TNRC6C: variants seen among roughly 807,000 people sequenced by gnomAD.
The protein encoded by TNRC6C is trinucleotide repeat-containing gene 6C protein.
A neutral mutation model predicts 153.7 loss-of-function variants in TNRC6C; 20 were observed. That is an observed-to-expected ratio of 0.13 (90% CI 0.09 to 0.19). The LOEUF (loss-of-function observed/expected upper bound fraction) is 0.19, where lower values mean the gene tolerates loss of function less well. Among genes scored for constraint, TNRC6C ranks in the 10% least tolerant of loss-of-function variants. The pLI is 1.00. For missense variants in TNRC6C, 1,987 were observed against 2,172.0 expected (o/e 0.91, Z 1.69); for synonymous variants, 811 against 841.4 (o/e 0.96, Z 0.63).
intron 3 of TNRC6C, among the ~76,000 whole-genome samples, chr17:78,058,548 G>A (rs2072703578): frequency 1.3e-5 from 2 of 152,198 alleles, no homozygotes; most frequent in African/African-American, 4.8e-5. Flanking sequence ...AAATATGAAG[G>A]CCATTATACA....
At chr17:78,010,977 G>A (rs901005360) in intron 1 of TNRC6C, among the ~76,000 whole-genome samples, 3 of 152,188 alleles carry the variant, frequency 2.0e-5, no homozygotes, top group East Asian at 1.9e-4. Context: ...CTCCGGGGGC[G>A]CCTCCCGAGG....
intron 1 of TNRC6C, among the ~76,000 whole-genome samples, chr17:77,970,011 GTCTT>G (rs2070928459): frequency 1.3e-5 from 2 of 152,126 alleles, no homozygotes; most frequent in Admixed American, 6.6e-5. Flanking sequence ...GATGATAACT[GTCTT>G]TCTTCCATTT....
chr17:77,979,823 A>G (rs1298884623), intron 1 of TNRC6C, among the ~76,000 whole-genome samples: 1 of 152,226 alleles, frequency 6.6e-6, no homozygotes, highest in Non-Finnish European at 1.5e-5. Flanking sequence ...CAGCCAAAGG[A>G]GGAAAAAGAT....
intron 1 of TNRC6C, among the ~76,000 whole-genome samples, chr17:78,031,113 A>G (rs961264112): frequency 3.9e-5 from 6 of 152,068 alleles, no homozygotes; most frequent in Non-Finnish European, 8.8e-5. Flanking sequence ...ACTTAAAAAA[A>G]AAAAGAAAGA....
chr17:78,024,568 T>C (rs146904473), intron 1 of TNRC6C, among the ~76,000 whole-genome samples: 190 of 152,166 alleles, frequency 1.2e-3, no homozygotes, highest in African/African-American at 4.3e-3. Context: ...GGTTTCACCA[T>C]GTTAGCCAGG....
chr17:78,016,957 C>T (rs982205948), intron 1 of TNRC6C, among the ~76,000 whole-genome samples: 2 of 152,150 alleles, frequency 1.3e-5, no homozygotes, highest in Admixed American at 1.3e-4. Context: ...CCAGGATCCC[C>T]AGCAAAGAAG....
chr17:78,097,666 T>C, intron 16 of TNRC6C, 79 bp from the exon 19 acceptor site: 2 of 989,410 alleles, frequency 2.0e-6, no homozygotes, highest in Non-Finnish European at 2.9e-6. Context: ...TGATTCCTGA[T>C]GGTTCTCACA....
intron 1 of TNRC6C, among the ~76,000 whole-genome samples, chr17:77,975,626 CT>C (rs1221357211): frequency 6.6e-6 from 1 of 152,056 alleles, no homozygotes; most frequent in Non-Finnish European, 1.5e-5. Flanking sequence ...AAAATCTGGT[CT>C]TTTGAAAATA....
chr17:78,011,602 GT>G (rs1326691048), intron 1 of TNRC6C, among the ~76,000 whole-genome samples: 2 of 152,064 alleles, frequency 1.3e-5, no homozygotes, highest in South Asian at 2.1e-4. Flanking sequence ...GGACATCTGC[GT>G]TTTTCCAGTT....
chr17:78,050,672 G>C (rs1423644944), exon 3 of TNRC6C: 1 of 1,560,096 alleles, frequency 6.4e-7, no homozygotes, highest in Non-Finnish European at 8.7e-7. Flanking sequence ...CCGGGGGTTT[G>C]GGGGGACTCG....
chr17:77,985,631 G>A (rs1488331217), intron 1 of TNRC6C, among the ~76,000 whole-genome samples: 1 of 147,114 alleles, frequency 6.8e-6, no homozygotes, highest in Non-Finnish European at 1.5e-5. Flanking sequence ...CAACTGTGTT[G>A]AATCTGTCTC....
At chr17:78,098,272 T>TC (rs1268566189) in intron 16 of TNRC6C, 71 bp from the exon 20 acceptor site, 1 of 1,421,090 alleles carries the variant, frequency 7.0e-7, no homozygotes, top group Non-Finnish European at 9.5e-7. Flanking sequence ...TCTGTGTGGC[T>TC]CCCCAAACAC....
upstream of TNRC6C, among the ~76,000 whole-genome samples, chr17:77,958,437 C>T (rs924535803): frequency 3.3e-5 from 5 of 151,626 alleles, no homozygotes; most frequent in Non-Finnish European, 7.4e-5. Context: ...GCGCTCCCCG[C>T]GCGGTGCAGG....
chr17:78,098,535 C>T (rs367710467), exon 17 of TNRC6C: 88 of 1,611,496 alleles, frequency 5.5e-5, no homozygotes, highest in South Asian at 8.8e-5. Context: ...TCCTACTCCT[C>T]GGGTAAGCTC....
chr17:78,021,689 C>T (rs2071835503), intron 1 of TNRC6C, among the ~76,000 whole-genome samples: 1 of 152,176 alleles, frequency 6.6e-6, no homozygotes, highest in Non-Finnish European at 1.5e-5. Flanking sequence ...TCTGCCTCAG[C>T]CTCCCAAGTA....
intron 3 of TNRC6C, among the ~76,000 whole-genome samples, chr17:78,062,782 T>G (rs1331200637): frequency 6.6e-6 from 1 of 152,210 alleles, no homozygotes; most frequent in African/African-American, 2.4e-5. Context: ...ATAATGCAGT[T>G]GGCCCTTGAA....
intron 3 of TNRC6C, among the ~76,000 whole-genome samples, chr17:78,059,733 C>T (rs982607938): frequency 1.3e-5 from 2 of 151,340 alleles, no homozygotes; most frequent in Non-Finnish European, 2.9e-5. Context: ...CCTCTAGTCC[C>T]GGCTACTCAA....
At chr17:78,069,117 CAAAAG>C (rs2072940085) in intron 5 of TNRC6C, among the ~76,000 whole-genome samples, 1 of 151,618 alleles carries the variant, frequency 6.6e-6, no homozygotes, top group Non-Finnish European at 1.5e-5. Flanking sequence ...TAATCAAAGT[CAAAAG>C]AAAAATAGCA....
At chr17:78,087,406 C>A (rs1381241061) in intron 13 of TNRC6C, among the ~76,000 whole-genome samples, 1 of 152,092 alleles carries the variant, frequency 6.6e-6, no homozygotes, top group Non-Finnish European at 1.5e-5. Context: ...GTGTGAGCCA[C>A]CATGCCCAGC....
Sources: allele counts gnomAD v4.1 joint callset (sites outside exome capture counted in the v4.1 genomes callset), GRCh38; gene constraint gnomAD v4.1.1; transcripts MANE v1.5; gene names NCBI Gene and HGNC (gene_info 2026-07-23, HGNC 2026-07-21).